CDC37L1: variants seen among roughly 807,000 people sequenced by gnomAD.
The protein encoded by CDC37L1 is cell division cycle 37 like 1, HSP90 cochaperone.
In CDC37L1, 32 loss-of-function variants were observed where a neutral mutation model predicts 45.9. That is an observed-to-expected ratio of 0.70 (90% CI 0.53 to 0.94). CDC37L1 has a LOEUF of 0.94. CDC37L1 is among the 40% of genes least tolerant of loss of function. The pLI is 0.00. For missense variants in CDC37L1, 434 were observed against 405.7 expected (o/e 1.07, Z -0.60); for synonymous variants, 150 against 133.0 (o/e 1.13, Z -0.88).
chr9:4,679,667 C>A lies in CDC37L1; in HGVS notation c.-101C>A. Reference sequence around the variant, plus strand: ...TCTGGGTAACGGCCCGGACCCCCGGCTGGGCTTCTGGCTCGGCGCAGCAGG... The same window carrying A: ...TCTGGGTAACGGCCCGGACCCCCGGATGGGCTTCTGGCTCGGCGCAGCAGG... On this transcript the variant is annotated 5_prime_UTR_variant, in exon 1 of 7. It adds an upstream start codon to the 5' untranslated region. Transcript: ENST00000381854. 1 of 1,135,214 alleles carries A rather than the reference C, an allele frequency of 8.8e-7. No individual in the cohort carries two copies. Among genetic ancestry groups the A allele is most frequent in the Non-Finnish European group, 1.2e-6 (1 of 821,870 alleles). 70.3% of individuals were successfully genotyped at this position (1,135,214 alleles called of 1,614,324 possible). A position where few individuals can be genotyped will look rare whatever the true frequency, so the allele number is the denominator to read the frequency against.
rs930309628 is a variant in CDC37L1 at position 4,688,083 on chromosome 9, T to C, written c.415-430T>C. Among the ~76,000 whole-genome samples, 8 of 152,224 alleles carry C rather than the reference T, an allele frequency of 5.3e-5. No individual in the cohort carries two copies. The South Asian group carries it at 8.3e-4, about 16-fold the overall frequency. On this transcript the variant is annotated intron_variant, in intron 2 of 6. Transcript: ENST00000381854. ...CATGATCTCAGCTCACTACAACCTC[T>C]GCCTCCTGGGTTCACGCAAGATTCT... is the stretch of plus-strand genomic sequence containing the variant.
At chr9:4,684,625 A>G (rs935277932) in intron 1 of CDC37L1, among the ~76,000 whole-genome samples, 26 of 152,238 alleles carry the variant, frequency 1.7e-4, no homozygotes, top group African/African-American at 6.0e-4. Flanking sequence ...GCTTTATGCA[A>G]GACACTGTGA....
chr9:4,680,778 C>A (rs1003812012), intron 1 of CDC37L1, among the ~76,000 whole-genome samples: 1 of 152,154 alleles, frequency 6.6e-6, no homozygotes, highest in African/African-American at 2.4e-5. Flanking sequence ...TGTCTGCCGC[C>A]TTCTTGCAAA....
At chr9:4,692,558 C>G (rs564565455) in intron 3 of CDC37L1, among the ~76,000 whole-genome samples, 2 of 152,274 alleles carry the variant, frequency 1.3e-5, no homozygotes, top group African/African-American at 4.8e-5. Context: ...GCGTGAGCCA[C>G]CACTCTGAGC....
At chr9:4,703,000 C>T (rs986577638) in intron 6 of CDC37L1, 1 of 1,322,388 alleles carries the variant, frequency 7.6e-7, no homozygotes. Flanking sequence ...GTTAGGATTA[C>T]AAGTTTAAGT....
At chr9:4,680,106 C>A (rs1841175689) in intron 1 of CDC37L1, among the ~76,000 whole-genome samples, 1 of 152,182 alleles carries the variant, frequency 6.6e-6, no homozygotes, top group Non-Finnish European at 1.5e-5. Flanking sequence ...ATATTACCAA[C>A]CTCCACCTCC....
Position 4,684,722 on chromosome 9 carries a change from G to A in CDC37L1, c.133-155G>A, listed in dbSNP as rs115760790. Among the ~76,000 whole-genome samples the A allele has an allele frequency of 4.2e-3, 642 of 152,240 alleles. 1 individual carries two copies. The highest frequency in any genetic ancestry group is 6.0e-3 in the Non-Finnish European group (408 of 68,008). On this transcript the variant is annotated intron_variant, in intron 1 of 6. Transcript: ENST00000381854. ...TTTAGAAGTTAGTTGATGAAACAAG[G>A]ACTAAGATATAAAAACATGACTGCA...
rs1260127695 is a variant in CDC37L1, at chr9:4,684,980, G to T, written c.236G>T (p.Gly79Val). The T allele has an allele frequency of 6.2e-7, 1 of 1,614,072 alleles. No homozygotes were observed. The highest frequency in any genetic ancestry group is 8.5e-7 in the Non-Finnish European group (1 of 1,179,936). ...CTTGCTGAAGCTCAACAGAAACTTG[G>T]TAGCTTAGCACTGCATAATTCTGAG... Reference protein sequence around the residue: ...WNLAEAQQKLGSLALHNSESL... With the variant: ...WNLAEAQQKLVSLALHNSESL... The change falls in exon 2 of 7, where the codon GGT becomes GTT. Residue 79 changes from glycine to valine, a missense_variant. Transcript: ENST00000381854.
chr9:4,697,605 A>C (rs1175795913), intron 4 of CDC37L1, 152 bp from the exon 5 acceptor site: 4 of 508,298 alleles, frequency 7.9e-6, no homozygotes, highest in South Asian at 3.4e-5. Context: ...TAAAAAAAAA[A>C]CTAAGATATA....
At chr9:4,689,275 G>A (rs10125235) in intron 3 of CDC37L1, among the ~76,000 whole-genome samples, 2 of 151,484 alleles carry the variant, frequency 1.3e-5, no homozygotes, top group Non-Finnish European at 1.5e-5. Flanking sequence ...GCATGATACC[G>A]CTGGCATGAA....
At chr9:4,691,477 C>G (rs1046751698) in intron 3 of CDC37L1, among the ~76,000 whole-genome samples, 4 of 152,146 alleles carry the variant, frequency 2.6e-5, no homozygotes, top group African/African-American at 7.2e-5. Flanking sequence ...TTCTGGTATA[C>G]TCTTCTAAAC....
chr9:4,681,076 T>C (rs551914064), intron 1 of CDC37L1, among the ~76,000 whole-genome samples: 2 of 152,352 alleles, frequency 1.3e-5, no homozygotes, highest in South Asian at 4.1e-4. Context: ...GGATCACTAG[T>C]GTCATCTTTA....
intron 1 of CDC37L1, among the ~76,000 whole-genome samples, chr9:4,683,533 T>C (rs796521151): frequency 6.6e-5 from 10 of 151,890 alleles, no homozygotes; most frequent in African/African-American, 2.4e-4. Context: ...AAGGGAAGAA[T>C]AAGCAAACAA....
At chr9:4,681,967 C>G (rs967936400) in intron 1 of CDC37L1, among the ~76,000 whole-genome samples, 12 of 152,190 alleles carry the variant, frequency 7.9e-5, no homozygotes, top group African/African-American at 2.2e-4. Context: ...TATTTAATAT[C>G]TGAATACATG....
At chr9:4,700,469 A>C (rs1392415122) in intron 5 of CDC37L1, among the ~76,000 whole-genome samples, 1 of 152,198 alleles carries the variant, frequency 6.6e-6, no homozygotes, top group Non-Finnish European at 1.5e-5. Context: ...TTTACTTGAC[A>C]CTTAAGAGTA....
chr9:4,679,609 G>A lies in CDC37L1; in HGVS notation c.-159G>A. 1.6e-6 allele frequency: 1 copy of A among 614,946 alleles called. No individual in the cohort carries two copies. Among genetic ancestry groups the A allele is most frequent in the East Asian group, 3.2e-5 (1 of 31,206 alleles). 38.1% of individuals were successfully genotyped at this position (614,946 alleles called of 1,614,324 possible). On this transcript the variant is annotated 5_prime_UTR_variant, in exon 1 of 7. Coordinates refer to ENST00000381854, the MANE Select transcript of CDC37L1 (RefSeq NM_017913.4). ...GGTGGCGAGGCCCAGGCTGTCGCCG[G>A]GTGTGCAGCGGCGTCGCGGCCAGTA...
chr9:4,696,688 A>G (rs988491539), intron 3 of CDC37L1, among the ~76,000 whole-genome samples: 3 of 152,148 alleles, frequency 2.0e-5, no homozygotes, highest in African/African-American at 4.8e-5. Flanking sequence ...CAAAATGACA[A>G]CCATTTTCAA....
intron 5 of CDC37L1, among the ~76,000 whole-genome samples, chr9:4,701,496 A>G (rs1247504968): frequency 3.3e-5 from 5 of 152,236 alleles, no homozygotes; most frequent in Admixed American, 2.0e-4. Context: ...GTTTGGTAGT[A>G]GGAAGAAGAT....
At chr9:4,681,627 A>G (rs1841194919) in intron 1 of CDC37L1, among the ~76,000 whole-genome samples, 1 of 152,110 alleles carries the variant, frequency 6.6e-6, no homozygotes, top group African/African-American at 2.4e-5. Flanking sequence ...CAAGAGCGAA[A>G]CTCTTGTCTC....
Sources: gnomAD v4.1 joint callset for allele counts (sites outside exome capture counted in the v4.1 genomes callset) on GRCh38, gnomAD v4.1.1 for gene constraint, MANE v1.5 for transcripts, NCBI Gene and HGNC (gene_info 2026-07-23, HGNC 2026-07-21) for gene names.